Variants in FNBP1L observed in about 807,000 individuals in gnomAD.
The protein encoded by FNBP1L is formin-binding protein 1-like.
A neutral mutation model predicts 91.2 loss-of-function variants in FNBP1L; 36 were observed. The ratio of observed to expected loss-of-function variants is 0.39; its 90% CI spans 0.30 to 0.52. The LOEUF is 0.52. Ranked by LOEUF, FNBP1L falls within the 20% of genes least tolerant of loss-of-function variation. The probability of loss-of-function intolerance (pLI) is 0.66; values close to 1 mark genes in which losing one functional copy is unlikely to be tolerated. For missense variants in FNBP1L, 571 were observed against 732.1 expected, an observed-to-expected ratio of 0.78 and a Z score of 2.54; for synonymous variants, 242 against 237.0, an observed-to-expected ratio of 1.02 and a Z score of -0.19.
intron 1 of FNBP1L, among the ~76,000 whole-genome samples, chr1:93,460,416 AC>A (rs1263632378): frequency 6.6e-6 from 1 of 152,228 alleles, no homozygotes; most frequent in Non-Finnish European, 1.5e-5. Flanking sequence ...TTTATAAATT[AC>A]CCAGTCTCAG....
chr1:93,497,133 T>A (rs1670290812), intron 1 of FNBP1L, among the ~76,000 whole-genome samples: 1 of 152,072 alleles, frequency 6.6e-6, no homozygotes, highest in African/African-American at 2.4e-5. Flanking sequence ...CTAATTTTTT[T>A]TTGTATTTTT....
At chr1:93,461,817 C>T (rs1417020166) in intron 1 of FNBP1L, among the ~76,000 whole-genome samples, 1 of 152,168 alleles carries the variant, frequency 6.6e-6, no homozygotes, top group Non-Finnish European at 1.5e-5. Context: ...TGAATTATTA[C>T]ATGGGAGTTA....
intron 1 of FNBP1L, among the ~76,000 whole-genome samples, chr1:93,489,005 G>A (rs1334145903): frequency 6.6e-6 from 1 of 152,150 alleles, no homozygotes; most frequent in Non-Finnish European, 1.5e-5. Flanking sequence ...TAGTTGGCTA[G>A]GATAATGAAG....
chr1:93,516,401 C>G (rs1206772717), intron 2 of FNBP1L, among the ~76,000 whole-genome samples: 1 of 152,188 alleles, frequency 6.6e-6, no homozygotes, highest in Admixed American at 6.5e-5. Context: ...TCAATACATT[C>G]AAGTTCCACC....
chr1:93,545,858 A>G lies in FNBP1L; in HGVS notation c.1275-984A>G, dbSNP rs947431197. On this transcript the variant is annotated intron_variant, in intron 12 of 16. Transcript: ENST00000271234. ...GAAAACATGGAGGAAGCTTAAAAAA[A>G]AAAAAAAGATTTGTAGCTATAGATT... is the stretch of plus-strand genomic sequence containing the variant. 1.1e-3 allele frequency among the ~76,000 whole-genome samples: 168 copies of G among 152,208 alleles called. 2 individuals are homozygous for G. Among genetic ancestry groups the G allele is most frequent in the East Asian group, 7.7e-3 (40 of 5,180 alleles).
chr1:93,466,837 T>C (rs1292167550), intron 1 of FNBP1L, among the ~76,000 whole-genome samples: 1 of 152,194 alleles, frequency 6.6e-6, no homozygotes, highest in Non-Finnish European at 1.5e-5. Context: ...TCCATGAGCA[T>C]GGAATATTCT....
chr1:93,489,701 A>G (rs1670032903), intron 1 of FNBP1L, among the ~76,000 whole-genome samples: 1 of 152,168 alleles, frequency 6.6e-6, no homozygotes, highest in South Asian at 2.1e-4. Flanking sequence ...CCTATCTTTA[A>G]AAAAACAACA....
intron 1 of FNBP1L, among the ~76,000 whole-genome samples, chr1:93,481,045 C>T (rs974885481): frequency 1.3e-5 from 2 of 152,080 alleles, no homozygotes; most frequent in African/African-American, 2.4e-5. Context: ...TGTGATTAAT[C>T]TTACTTGTGT....
At chr1:93,549,532 G>A in intron 15 of FNBP1L, 106 bp downstream of exon 15, 1 of 857,212 alleles carries the variant, frequency 1.2e-6, no homozygotes, top group Non-Finnish European at 1.7e-6. Flanking sequence ...TATGTTGTCA[G>A]AAAATTATTA....
At chr1:93,479,060 G>A (rs1332987209) in intron 1 of FNBP1L, among the ~76,000 whole-genome samples, 1 of 152,154 alleles carries the variant, frequency 6.6e-6, no homozygotes, top group Non-Finnish European at 1.5e-5. Flanking sequence ...TTTCAACGTA[G>A]GTTCTTTCTA....
intron 2 of FNBP1L, 39 bp downstream of exon 2, chr1:93,499,622 C>T: frequency 8.6e-7 from 1 of 1,161,628 alleles, no homozygotes; most frequent in Non-Finnish European, 1.2e-6. Context: ...AATGAAATTA[C>T]ATGTTTAAAC....
At chr1:93,482,240 C>T (rs1669733783) in intron 1 of FNBP1L, among the ~76,000 whole-genome samples, 1 of 151,998 alleles carries the variant, frequency 6.6e-6, no homozygotes, top group Non-Finnish European at 1.5e-5. Flanking sequence ...TTTTGTTTGC[C>T]TTATTTTCAT....
chr1:93,537,060 A>C (rs1226957069), intron 10 of FNBP1L, among the ~76,000 whole-genome samples: 2 of 152,066 alleles, frequency 1.3e-5, no homozygotes, highest in Non-Finnish European at 2.9e-5. Context: ...AAAATACTAG[A>C]TATCACTGAG....
intron 2 of FNBP1L, among the ~76,000 whole-genome samples, chr1:93,510,302 T>A (rs1375949938): frequency 6.6e-6 from 1 of 152,188 alleles, no homozygotes; most frequent in Non-Finnish European, 1.5e-5. Flanking sequence ...CCCTGACCCC[T>A]GACCCCCAAG....
Position 93,454,336 on chromosome 1 carries a change from C to CTGTG in FNBP1L, c.24+6049_24+6052dup, listed in dbSNP as rs55899862. ...CTCTTGTGTGTGTGTATGGGTGTGT[C>CTGTG]TGTGTGTGTGTGTGTGTGTGTAGTT... On this transcript the variant is annotated intron_variant, in intron 1 of 16. Transcript: ENST00000271234. 3.1e-3 allele frequency among the ~76,000 whole-genome samples: 458 copies of CTGTG among 149,170 alleles called. 2 individuals carry two copies. The highest frequency in any genetic ancestry group is 0.029 in the East Asian group (144 of 5,052).
chr1:93,524,566 A>G (rs542490822), intron 5 of FNBP1L, among the ~76,000 whole-genome samples: 1 of 148,984 alleles, frequency 6.7e-6, no homozygotes, highest in Non-Finnish European at 1.5e-5. Context: ...ATCATTGTGA[A>G]CATTTAAGGA....
At position 93,552,605 on chromosome 1, in the gene FNBP1L, C is replaced by A; in HGVS notation, c.*189C>A. The A allele has an allele frequency of 2.0e-6, 1 of 503,842 alleles. No homozygotes were observed. Among genetic ancestry groups the A allele is most frequent in the South Asian group, 6.2e-5 (1 of 16,236 alleles). 31.2% of individuals were successfully genotyped at this position (503,842 alleles called of 1,614,324 possible). The stretch of plus-strand genomic sequence containing the variant: ...ACATTGTTTTTAAAAATCATAATAC[C>A]AACCCTTAAGTTCCTAGTTCACAGT... On this transcript the variant is annotated 3_prime_UTR_variant, in exon 17 of 17. Coordinates refer to ENST00000271234, the MANE Select transcript of FNBP1L (RefSeq NM_001164473.3).
chr1:93,522,230 AG>A, intron 3 of FNBP1L, 95 bp downstream of exon 3: 3 of 541,622 alleles, frequency 5.5e-6, no homozygotes, highest in Non-Finnish European at 8.3e-6. Flanking sequence ...CTTTTTATAA[AG>A]ATTTTATAAA....
intron 5 of FNBP1L, among the ~76,000 whole-genome samples, chr1:93,526,272 C>G (rs1408036034): frequency 6.6e-6 from 1 of 152,118 alleles, no homozygotes; most frequent in African/African-American, 2.4e-5. Context: ...GAGCAGAGCT[C>G]AGAAATGGAG....
Sources: allele counts gnomAD v4.1 joint callset (sites outside exome capture counted in the v4.1 genomes callset), GRCh38; gene constraint gnomAD v4.1.1; transcripts MANE v1.5; gene names NCBI Gene and HGNC (gene_info 2026-07-23, HGNC 2026-07-21).